Variants in NFIB observed in about 807,000 individuals in gnomAD.
NFIB encodes nuclear factor 1 B-type.
In NFIB, 11 loss-of-function variants were observed where a neutral mutation model predicts 61.5. The ratio of observed to expected loss-of-function variants is 0.18; its 90% CI spans 0.11 to 0.30. The LOEUF is 0.30. NFIB is among the 10% of genes least tolerant of loss of function. NFIB has a pLI of 1.00. For missense variants in NFIB, 471 were observed against 608.9 expected, an observed-to-expected ratio of 0.77 and a Z score of 2.38; for synonymous variants, 260 against 216.5, an observed-to-expected ratio of 1.20 and a Z score of -1.76.
intron 2 of NFIB, among the ~76,000 whole-genome samples, chr9:14,256,449 C>G (rs1188950352): frequency 6.6e-6 from 1 of 151,338 alleles, no homozygotes; most frequent in African/African-American, 2.4e-5. Flanking sequence ...TCACTGCTAA[C>G]CATAAAGAAG....
At chr9:14,092,855 T>C (rs2034158770) in intron 10 of NFIB, among the ~76,000 whole-genome samples, 1 of 152,048 alleles carries the variant, frequency 6.6e-6, no homozygotes, top group African/African-American at 2.4e-5. Context: ...TTTCTATATG[T>C]CTTATCCTGG....
chr9:14,284,796 T>C (rs2058603420), intron 2 of NFIB, among the ~76,000 whole-genome samples: 1 of 152,138 alleles, frequency 6.6e-6, no homozygotes, highest in Non-Finnish European at 1.5e-5. Flanking sequence ...ATAGGGTGAG[T>C]GGGATAGGGA....
chr9:14,331,957 T>C (rs2060825716), intron 1 of NFIB, among the ~76,000 whole-genome samples: 1 of 152,216 alleles, frequency 6.6e-6, no homozygotes, highest in Non-Finnish European at 1.5e-5. Flanking sequence ...AGAATAGATA[T>C]GGTCTGCGAC....
Position 14,182,708 on chromosome 9 carries a change from C to CTCTCTCTCTGTGTG in NFIB, c.563-2929_563-2928insCACACAGAGAGAGA, listed in dbSNP as rs778914837. Reference sequence around the variant, plus strand: ...CCTCTCTCTCTCTCTCTCTCTCTCTCTGTGTGTGTGTGTGTGTGTGTGTGT... The same window carrying CTCTCTCTCTGTGTG: ...CCTCTCTCTCTCTCTCTCTCTCTCTCTCTCTCTCTGTGTGTGTGTGTGTGTGTGTGTGTGTGTGT... On this transcript the variant is annotated intron_variant, in intron 2 of 10. Transcript: ENST00000380953. 2.5e-3 allele frequency among the ~76,000 whole-genome samples: 245 copies of CTCTCTCTCTGTGTG among 96,996 alleles called. 2 individuals are homozygous for CTCTCTCTCTGTGTG. The highest frequency in any genetic ancestry group is 3.6e-3 in the Non-Finnish European group (177 of 49,776). The allele number at this position is 96,996 out of a possible 152,430, so 63.6% of individuals were successfully genotyped here.
chr9:14,487,516 G>A, the NFIB span, among the ~76,000 whole-genome samples: 1 of 152,324 alleles, frequency 6.6e-6, no homozygotes, highest in South Asian at 2.1e-4. Flanking sequence ...AATGGCCATA[G>A]TGTGGGATGC....
At chr9:14,443,165 T>C in the NFIB span, among the ~76,000 whole-genome samples, 1 of 151,974 alleles carries the variant, frequency 6.6e-6, no homozygotes, top group Non-Finnish European at 1.5e-5. Flanking sequence ...ACTATGGCAG[T>C]GCTGAGGGTG....
At chr9:14,112,909 C>G in intron 10 of NFIB, 90 bp downstream of exon 10, 1 of 1,234,756 alleles carries the variant, frequency 8.1e-7, no homozygotes, top group Non-Finnish European at 1.1e-6. Flanking sequence ...CCCGGGAGCC[C>G]CCTTCTGAGT....
chr9:14,334,222 G>A (rs1025345328), intron 1 of NFIB, among the ~76,000 whole-genome samples: 2 of 152,138 alleles, frequency 1.3e-5, no homozygotes, highest in Non-Finnish European at 2.9e-5. Context: ...TTCTTTTGGG[G>A]TATAAGCCTA....
chr9:14,315,308 G>A (rs1443556797), upstream of NFIB, among the ~76,000 whole-genome samples: 1 of 151,178 alleles, frequency 6.6e-6, no homozygotes, highest in East Asian at 2.0e-4. Flanking sequence ...CTCCCCGGGG[G>A]TGCCCCGTGC....
intron 1 of NFIB, among the ~76,000 whole-genome samples, chr9:14,337,079 C>A (rs573555365): frequency 6.6e-6 from 1 of 152,122 alleles, no homozygotes; most frequent in Non-Finnish European, 1.5e-5. Flanking sequence ...AAAAACCATT[C>A]GTAGCTCTCA....
intron 2 of NFIB, among the ~76,000 whole-genome samples, chr9:14,218,162 T>C (rs943019334): frequency 3.9e-5 from 6 of 152,136 alleles, no homozygotes; most frequent in Admixed American, 3.3e-4. Context: ...GAAGGCATAC[T>C]TTTTCCCAGA....
At position 14,084,360 on chromosome 9, in the gene NFIB, T is replaced by C. The variant is rs1445041671; in HGVS notation, c.*3949A>G. The C allele has an allele frequency of 4.5e-6, 1 of 220,328 alleles. No individual in the cohort carries two copies. The highest frequency in any genetic ancestry group is 6.7e-5 in the East Asian group (1 of 14,998). 13.6% of individuals were successfully genotyped at this position (220,328 alleles called of 1,614,324 possible). On this transcript the variant is annotated 3_prime_UTR_variant, in exon 11 of 11. Transcript: ENST00000380953. ...TACTGTCTACAAGGTAGGCGGTTCA[T>C]TAAGAAGACCTTTCGCTCTTCTCGC...
At chr9:14,380,700 A>G (rs2061477670) in intron 1 of NFIB, among the ~76,000 whole-genome samples, 1 of 152,150 alleles carries the variant, frequency 6.6e-6, no homozygotes, top group South Asian at 2.1e-4. Context: ...TATTTTGGAG[A>G]GTAGCAATGA....
chr9:14,283,416 G>C (rs1190648002), intron 2 of NFIB, among the ~76,000 whole-genome samples: 2 of 152,176 alleles, frequency 1.3e-5, no homozygotes, highest in African/African-American at 4.8e-5. Context: ...CTTTATCTTG[G>C]GGATCAAAGT....
At position 14,085,116 on chromosome 9, in the gene NFIB, T is replaced by G; in HGVS notation, c.*3193A>C. 4.4e-6 allele frequency: 1 copy of G among 229,796 alleles called. No homozygotes were observed. Among genetic ancestry groups the G allele is most frequent in the African/African-American group, 2.2e-5 (1 of 45,312 alleles). 14.2% of individuals were successfully genotyped at this position (229,796 alleles called of 1,614,324 possible). A position where few individuals can be genotyped will look rare whatever the true frequency, so the allele number is the denominator to read the frequency against. On this transcript the variant is annotated 3_prime_UTR_variant, in exon 11 of 11. Transcript: ENST00000380953. ...ATCACAGAAATGATTGGACTTACTT[T>G]TGAACTTGCACTGCTAGGATCCCGC...
intron 2 of NFIB, among the ~76,000 whole-genome samples, chr9:14,222,694 C>T (rs1309553956): frequency 1.4e-5 from 2 of 144,382 alleles, no homozygotes; most frequent in African/African-American, 5.1e-5. Flanking sequence ...ACTTGGGAGG[C>T]TGAGCTGGGA....
At chr9:14,349,595 C>A (rs1314676663) in intron 1 of NFIB, among the ~76,000 whole-genome samples, 1 of 152,022 alleles carries the variant, frequency 6.6e-6, no homozygotes, top group Non-Finnish European at 1.5e-5. Context: ...TGGGGAACAG[C>A]GGCACTTTAT....
the NFIB span, among the ~76,000 whole-genome samples, chr9:14,455,221 C>A: frequency 1.3e-5 from 2 of 152,198 alleles, no homozygotes; most frequent in Non-Finnish European, 2.9e-5. Flanking sequence ...TAGTAAAAAT[C>A]TGAGTGTGTA....
intron 2 of NFIB, among the ~76,000 whole-genome samples, chr9:14,191,304 G>C (rs954636835): frequency 1.3e-5 from 2 of 151,876 alleles, no homozygotes; most frequent in Admixed American, 1.3e-4. Context: ...CTCCAGCCTC[G>C]GTGACAGAGT....
Sources: gnomAD v4.1 joint callset for allele counts (sites outside exome capture counted in the v4.1 genomes callset) on GRCh38, gnomAD v4.1.1 for gene constraint, MANE v1.5 for transcripts, NCBI Gene and HGNC (gene_info 2026-07-23, HGNC 2026-07-21) for gene names.